ZNF429: variants seen among roughly 807,000 people sequenced by gnomAD.
ZNF429 encodes the protein zinc finger protein 429.
ZNF429 carries 53 observed loss-of-function variants against 56.8 expected under a neutral mutation model. The ratio of observed to expected loss-of-function variants is 0.93; its 90% CI spans 0.75 to 1.17. The LOEUF is 1.17. Among genes scored for constraint, ZNF429 ranks in the 50% most tolerant of loss-of-function variants. The pLI is 0.00. For synonymous variants in ZNF429, 278 were observed against 264.7 expected (o/e 1.05, Z -0.49); for missense variants, 849 against 788.4 (o/e 1.08, Z -0.92).
intron 1 of ZNF429, among the ~76,000 whole-genome samples, chr19:21,508,135 C>G (rs1395532287): frequency 1.3e-5 from 2 of 151,916 alleles, no homozygotes; most frequent in African/African-American, 2.4e-5. Flanking sequence ...GCCTGTAATC[C>G]CAGCTACTCA....
intron 1 of ZNF429, among the ~76,000 whole-genome samples, chr19:21,519,866 A>ATT (rs33916077): frequency 0.17 from 25,150 of 145,002 alleles, 2,216 homozygotes; most frequent in Non-Finnish European, 0.19. Flanking sequence ...GCACCCATGA[A>ATT]TTTTTTTTTT....
At chr19:21,523,992 A>C (rs2033076576) in intron 1 of ZNF429, among the ~76,000 whole-genome samples, 1 of 149,794 alleles carries the variant, frequency 6.7e-6, no homozygotes, top group Non-Finnish European at 1.5e-5. Flanking sequence ...AGAATGTAAA[A>C]AAAACTAACA....
rs531427318 is a variant in ZNF429, at chr19:21,538,277, C to CAAA, written c.*219_*221dup. ...TGGGTGACAGAGCCAGACTCCATCT[C>CAAA]AAAAAAAAAAAAAAAAAAAAAAGAA... On this transcript the variant is annotated 3_prime_UTR_variant, in exon 4 of 4. Transcript: ENST00000358491. 0.48 allele frequency among the ~76,000 whole-genome samples: 16,450 copies of CAAA among 34,262 alleles called. 4,665 individuals are homozygous for CAAA. Among genetic ancestry groups the CAAA allele is most frequent in the South Asian group, 0.55 (249 of 456 alleles). 22.5% of individuals were successfully genotyped at this position (34,262 alleles called of 152,430 possible).
chr19:21,530,882 G>C, intron 3 of ZNF429, among the ~76,000 whole-genome samples, 198 bp downstream of exon 3: 1 of 152,086 alleles, frequency 6.6e-6, no homozygotes, highest in Non-Finnish European at 1.5e-5. Context: ...GAGGTGGGCG[G>C]ATCACCTGGG....
chr19:21,534,967 G>A lies in ZNF429; in HGVS notation c.227-1313G>A. The stretch of plus-strand genomic sequence containing the variant: ...TGGGACTACAGGCATCCACCACCAC[G>A]CCTGGCTAATTTTTTGTGTTTTTTC... On this transcript the variant is annotated intron_variant, in intron 3 of 3. Coordinates refer to ENST00000358491, the MANE Select transcript of ZNF429 (RefSeq NM_001001415.4). Among the ~76,000 whole-genome samples, 15 of 146,432 alleles carry A rather than the reference G, an allele frequency of 1.0e-4. No individual in the cohort carries two copies. In the East Asian group the frequency reaches 2.0e-3, roughly 20 times the overall value.
Position 21,537,633 on chromosome 19 carries a change from A to C in ZNF429, c.1580A>C (p.His527Pro). 1 of 1,557,910 alleles carries C rather than the reference A, an allele frequency of 6.4e-7. No homozygotes were observed. The highest frequency in any genetic ancestry group is 8.8e-7 in the Non-Finnish European group (1 of 1,132,684). Residue 527 changes from histidine (H) to proline (P), a missense_variant, in exon 4 of 4, where the codon CAT (histidine) becomes CCT (proline). Coordinates refer to ENST00000358491, the MANE Select transcript of ZNF429 (RefSeq NM_001001415.4). ...AFILSSRLTQ[H>P]KKIHTGEKPY... is the part of the protein sequence containing the mutation. ...ATCCTGTCCTCAAGACTTACTCAAC[A>C]TAAGAAAATTCATACTGGAGAGAAA...
At chr19:21,535,323 C>CTTTCTTTCTTTCTTTCTT in intron 3 of ZNF429, among the ~76,000 whole-genome samples, 1 of 128,278 alleles carries the variant, frequency 7.8e-6, no homozygotes, top group Admixed American at 7.4e-5. Context: ...TTCTTTCTTT[C>CTTTCTTTCTTTCTTTCTT]TTTCTCTTTT....
chr19:21,526,653 T>A (rs138568866), intron 1 of ZNF429, among the ~76,000 whole-genome samples: 15 of 152,354 alleles, frequency 9.8e-5, no homozygotes, highest in South Asian at 4.1e-4. Flanking sequence ...TAAATTAAAT[T>A]AATAGTGCTG....
chr19:21,533,469 C>A, intron 3 of ZNF429, among the ~76,000 whole-genome samples: 2 of 151,676 alleles, frequency 1.3e-5, no homozygotes, highest in South Asian at 4.2e-4. Flanking sequence ...TTTCTATTTT[C>A]TTTCTTGCTC....
Position 21,538,801 on chromosome 19 carries a change from ATACT to A in ZNF429, c.*726_*729del, listed in dbSNP as rs1411331899. On this transcript the variant is annotated 3_prime_UTR_variant, in exon 4 of 4. Transcript: ENST00000358491. The stretch of plus-strand genomic sequence containing the variant: ...TTCACATCTTAACAACAGAGAGTTG[ATACT>A]TAATAAGAGCATTGTAAGTGCAATT... The A allele has an allele frequency of 6.6e-6, 1 of 152,224 alleles. No individual in the cohort carries two copies. Among genetic ancestry groups the A allele is most frequent in the East Asian group, 1.9e-4 (1 of 5,204 alleles). The allele number at this position is 152,224 out of a possible 1,614,324, so 9.4% of individuals were successfully genotyped here.
At chr19:21,510,121 C>T (rs1214034579) in intron 1 of ZNF429, among the ~76,000 whole-genome samples, 2 of 152,030 alleles carry the variant, frequency 1.3e-5, no homozygotes, top group Non-Finnish European at 2.9e-5. Flanking sequence ...GTTGGCCAGG[C>T]TGGTCTCGAA....
At position 21,529,754 on chromosome 19, in the gene ZNF429, T is replaced by G. The variant is rs1425853422; in HGVS notation, c.100T>G (p.Leu34Val). ...AQQNLYRNVM[L>V]ENYRNLVFLG... ...ACAGAACTTATATAGAAATGTGATGTTAGAGAACTACAGAAACTTGGTCTT... is the reference window on the plus strand; with the variant it reads ...ACAGAACTTATATAGAAATGTGATGGTAGAGAACTACAGAAACTTGGTCTT... The change falls in exon 2 of 4, where the codon TTA becomes GTA. Residue 34 changes from leucine (L) to valine (V), a missense_variant. Transcript: ENST00000358491. 3 of 1,594,294 alleles carry G rather than the reference T, an allele frequency of 1.9e-6. 1 individual carries two copies. The highest frequency in any genetic ancestry group is 2.6e-6 in the Non-Finnish European group (3 of 1,170,072).
rs1298564486 is a variant in ZNF429 at position 21,529,372 on chromosome 19, T to C, written c.4-286T>C. ...CATAGCACTCAAAAATGTATGTTTC[T>C]GTTCATGCCCTTAATTTTATACTTT... On this transcript the variant is annotated intron_variant, in intron 1 of 3. Transcript: ENST00000358491. 6 of 369,742 alleles carry C rather than the reference T, an allele frequency of 1.6e-5. 1 individual carries two copies. The highest frequency in any genetic ancestry group is 2.3e-5 in the Non-Finnish European group (6 of 264,998). The allele number at this position is 369,742 out of a possible 1,614,324, so 22.9% of individuals were successfully genotyped here. A position where few individuals can be genotyped will look rare whatever the true frequency, so the allele number is the denominator to read the frequency against.
intron 1 of ZNF429, among the ~76,000 whole-genome samples, chr19:21,512,941 G>A (rs550574863): frequency 4.0e-5 from 6 of 150,756 alleles, no homozygotes; most frequent in Admixed American, 1.3e-4. Flanking sequence ...GCGTGATCTC[G>A]GCTTACTGCA....
Position 21,511,884 on chromosome 19 carries a change from G to A in ZNF429, c.3+6110G>A, listed in dbSNP as rs536224892. ...ACGGTTAGGAGCTGGAGACCAGCCC[G>A]GCCAACACAGCGAAACCCCGTCTCC... On this transcript the variant is annotated intron_variant, in intron 1 of 3. Coordinates refer to ENST00000358491, the MANE Select transcript of ZNF429 (RefSeq NM_001001415.4). Among the ~76,000 whole-genome samples, 334 of 152,248 alleles carry A rather than the reference G, an allele frequency of 2.2e-3. 1 individual carries two copies. The highest frequency in any genetic ancestry group is 7.1e-3 in the African/African-American group (295 of 41,546).
chr19:21,511,694 C>T (rs1398578316), intron 1 of ZNF429, among the ~76,000 whole-genome samples: 1 of 151,730 alleles, frequency 6.6e-6, no homozygotes, highest in African/African-American at 2.4e-5. Context: ...GCAGAGGCTG[C>T]AATCTCGGCA....
intron 1 of ZNF429, among the ~76,000 whole-genome samples, chr19:21,523,814 A>G (rs1017497362): frequency 8.5e-5 from 13 of 152,214 alleles, no homozygotes; most frequent in Non-Finnish European, 1.3e-4. Context: ...AGATAGATGT[A>G]TAATCTAGAG....
intron 1 of ZNF429, among the ~76,000 whole-genome samples, chr19:21,509,166 G>A (rs1190002983): frequency 3.9e-5 from 6 of 151,922 alleles, no homozygotes; most frequent in East Asian, 1.9e-4. Context: ...ACACTGTCGC[G>A]CCAGCCTATT....
intron 3 of ZNF429, among the ~76,000 whole-genome samples, chr19:21,532,584 A>AT: frequency 6.6e-6 from 1 of 152,194 alleles, no homozygotes; most frequent in Non-Finnish European, 1.5e-5. Flanking sequence ...AGTATATTAT[A>AT]TGCCATGAAG....
Sources: allele counts gnomAD v4.1 joint callset (sites outside exome capture counted in the v4.1 genomes callset), GRCh38; gene constraint gnomAD v4.1.1; transcripts MANE v1.5; gene names NCBI Gene and HGNC (gene_info 2026-07-23, HGNC 2026-07-21).